Variants in HIP1 observed in about 807,000 individuals in gnomAD.
HIP1 encodes the protein huntingtin interacting protein 1, also known as huntingtin-interacting protein 1.
HIP1 carries 65 observed loss-of-function variants against 147.6 expected under a neutral mutation model. The ratio of observed to expected loss-of-function variants is 0.44; its 90% CI spans 0.36 to 0.54. The LOEUF is 0.54. HIP1 is among the 20% of genes least tolerant of loss of function. The pLI, the probability that HIP1 is intolerant of heterozygous loss-of-function variation, is 0.00. For missense variants in HIP1, 1,061 were observed against 1,299.6 expected (o/e 0.82, Z 2.82); for synonymous variants, 479 against 504.0 (o/e 0.95, Z 0.67).
intron 1 of HIP1, among the ~76,000 whole-genome samples, chr7:75,692,677 G>A (rs989176050): frequency 2.6e-5 from 4 of 151,120 alleles, no homozygotes; most frequent in Non-Finnish European, 4.4e-5. Flanking sequence ...TGATCTGCCC[G>A]CCTTGGCCTC....
intron 1 of HIP1, among the ~76,000 whole-genome samples, chr7:75,636,937 A>G (rs1284222940): frequency 3.3e-5 from 5 of 151,968 alleles, no homozygotes; most frequent in South Asian, 4.2e-4. Context: ...GCCTCACCCA[A>G]TGGACTCTGC....
intron 1 of HIP1, among the ~76,000 whole-genome samples, chr7:75,646,571 C>T (rs1554511138): frequency 1.3e-5 from 2 of 152,216 alleles, no homozygotes; most frequent in South Asian, 2.1e-4. Flanking sequence ...TAGTGGCTTG[C>T]CCGGGGTCTT....
At chr7:75,737,387 A>G (rs1166511394) in intron 1 of HIP1, among the ~76,000 whole-genome samples, 1 of 152,144 alleles carries the variant, frequency 6.6e-6, no homozygotes, top group Non-Finnish European at 1.5e-5. Context: ...CTTGTTGCCC[A>G]GGCTGGAGTG....
intron 1 of HIP1, among the ~76,000 whole-genome samples, chr7:75,706,781 C>A (rs1170138537): frequency 1.0e-5 from 1 of 98,186 alleles, no homozygotes; most frequent in African/African-American, 4.2e-5. Context: ...ATCCCTCCCC[C>A]CTCCCCCGAC....
intron 9 of HIP1, among the ~76,000 whole-genome samples, chr7:75,564,889 T>G (rs1289736199): frequency 6.6e-6 from 1 of 152,032 alleles, no homozygotes; most frequent in Non-Finnish European, 1.5e-5. Flanking sequence ...AGAGCCACCA[T>G]GCTTGGCCTG....
intron 26 of HIP1, 39 bp downstream of exon 26, chr7:75,545,049 G>C: frequency 8.4e-7 from 1 of 1,184,194 alleles, no homozygotes; most frequent in South Asian, 1.3e-5. Context: ...CAATGGAAGA[G>C]GGGTCATGGG....
At position 75,599,254 on chromosome 7, in the gene HIP1, A is replaced by G; in HGVS notation, c.121-7T>C. 6.2e-7 allele frequency: 1 copy of G among 1,608,766 alleles called. No homozygotes were observed. The highest frequency in any genetic ancestry group is 8.5e-7 in the Non-Finnish European group (1 of 1,175,188). Reference sequence around the variant, plus strand: ...CCTTATTGATGCTGACAGTCTGAAAAACAAGAAGGGGGGAGGGAAAGGAGG... The same window carrying G: ...CCTTATTGATGCTGACAGTCTGAAAGACAAGAAGGGGGGAGGGAAAGGAGG... On this transcript the variant is annotated splice_polypyrimidine_tract_variant and splice_region_variant and intron_variant, in intron 1 of 30. Transcript: ENST00000336926.
chr7:75,701,377 G>C (rs1186695838), intron 1 of HIP1, among the ~76,000 whole-genome samples: 4 of 151,934 alleles, frequency 2.6e-5, no homozygotes, highest in Admixed American at 2.0e-4. Flanking sequence ...CTGGGCAACA[G>C]AGCAAGACTC....
intron 1 of HIP1, among the ~76,000 whole-genome samples, chr7:75,721,293 G>C (rs932275078): frequency 2.6e-5 from 4 of 152,098 alleles, no homozygotes; most frequent in Non-Finnish European, 5.9e-5. Context: ...AGAATTGCTT[G>C]AACCTGGGAG....
chr7:75,693,919 CTTTTTTT>C (rs10628011), intron 1 of HIP1, among the ~76,000 whole-genome samples: 3 of 114,876 alleles, frequency 2.6e-5, no homozygotes, highest in African/African-American at 1.0e-4. Flanking sequence ...ATTCTCTTTT[CTTTTTTT>C]TTTTTTTTTT....
At chr7:75,540,432 CAAAAA>C (rs57415264) in intron 29 of HIP1, among the ~76,000 whole-genome samples, 12 of 127,314 alleles carry the variant, frequency 9.4e-5, no homozygotes, top group Non-Finnish European at 9.7e-5. Context: ...GACTCGGTCT[CAAAAA>C]AAAAAAAAAA....
intron 1 of HIP1, among the ~76,000 whole-genome samples, chr7:75,630,670 A>G (rs1554508743): frequency 6.6e-6 from 1 of 151,860 alleles, no homozygotes; most frequent in Non-Finnish European, 1.5e-5. Flanking sequence ...CAGTTTTCTT[A>G]ATGATACCCT....
Position 75,697,643 on chromosome 7 carries a change from C to T in HIP1, c.120+41158G>A, listed in dbSNP as rs576391537. Among the ~76,000 whole-genome samples the T allele has an allele frequency of 9.9e-5, 15 of 152,174 alleles. 1 individual carries two copies. The highest frequency in any genetic ancestry group is 3.6e-4 in the African/African-American group (15 of 41,544). On this transcript the variant is annotated intron_variant, in intron 1 of 30. Coordinates refer to ENST00000336926, the MANE Select transcript of HIP1 (RefSeq NM_005338.7). ...GCCTGGCCAACATAGTAAAACCCATCTCTACTAAAAATACAAAAATTAGCC... is the reference window on the plus strand; with the variant it reads ...GCCTGGCCAACATAGTAAAACCCATTTCTACTAAAAATACAAAAATTAGCC...
chr7:75,681,547 T>A (rs1008572393), intron 1 of HIP1, among the ~76,000 whole-genome samples: 16 of 144,602 alleles, frequency 1.1e-4, no homozygotes, highest in African/African-American at 3.8e-4. Context: ...TGCTCTTTCA[T>A]CCAGGCTAAA....
chr7:75,601,616 C>CA (rs587710789), intron 1 of HIP1, among the ~76,000 whole-genome samples: 42,025 of 141,768 alleles, frequency 0.3, 6,463 homozygotes, highest in African/African-American at 0.42. Flanking sequence ...ACAACAACAA[C>CA]AAAAAAAAAA....
In HIP1 at chr7:75,556,230, C is replaced by T. The variant is rs919400811; in HGVS notation, c.1684-61G>A. On this transcript the variant is annotated intron_variant, in intron 17 of 30. Transcript: ENST00000336926. ...GGTTGAGTTAAACAGTCCCTACTTCCCAGAGGTCCAACCCACCACCGGGTT... is the reference window on the plus strand; with the variant it reads ...GGTTGAGTTAAACAGTCCCTACTTCTCAGAGGTCCAACCCACCACCGGGTT... 1.3e-5 allele frequency: 20 copies of T among 1,578,214 alleles called. No individual in the cohort carries two copies. The Admixed American group carries it at 3.1e-4, about 25-fold the overall frequency.
At chr7:75,593,087 G>C (rs891622012) in intron 2 of HIP1, among the ~76,000 whole-genome samples, 1 of 152,112 alleles carries the variant, frequency 6.6e-6, no homozygotes. Context: ...TCCTACCTCA[G>C]CCTCCCAAGT....
At chr7:75,549,029 G>A (rs1554491599) in intron 22 of HIP1, 28 bp from the exon 23 acceptor site, 1 of 1,491,300 alleles carries the variant, frequency 6.7e-7, no homozygotes, top group East Asian at 2.3e-5. Flanking sequence ...AGGCTGAACT[G>A]ACCTTGGGGC....
chr7:75,616,549 C>T (rs1220724221), intron 1 of HIP1, among the ~76,000 whole-genome samples: 6 of 151,682 alleles, frequency 4.0e-5, no homozygotes, highest in Admixed American at 6.6e-5. Flanking sequence ...CTGGAATTAC[C>T]GGCGCTAGCC....
Sources: allele counts gnomAD v4.1 joint callset (sites outside exome capture counted in the v4.1 genomes callset), GRCh38; gene constraint gnomAD v4.1.1; transcripts MANE v1.5; gene names NCBI Gene and HGNC (gene_info 2026-07-23, HGNC 2026-07-21).